Variants in LRP2 observed in about 807,000 individuals in gnomAD.
LRP2 encodes the protein low-density lipoprotein receptor-related protein 2.
Under a neutral mutation model 531.0 loss-of-function variants are expected in LRP2, and 172 were observed. The observed-to-expected ratio is 0.32, with a 90% CI of 0.29 to 0.37. The LOEUF (loss-of-function observed/expected upper bound fraction) is 0.37, where lower values mean the gene tolerates loss of function less well. Ranked by LOEUF, LRP2 falls within the 10% of genes least tolerant of loss-of-function variation. The pLI, the probability that LRP2 is intolerant of heterozygous loss-of-function variation, is 1.00. For missense variants in LRP2, 5,167 were observed against 5,868.3 expected, an observed-to-expected ratio of 0.88 and a Z score of 3.90; for synonymous variants, 1,992 against 2,027.6, an observed-to-expected ratio of 0.98 and a Z score of 0.47.
chr2:169,136,997 A>G (rs1685538981), intron 76 of LRP2, among the ~76,000 whole-genome samples: 1 of 152,206 alleles, frequency 6.6e-6, no homozygotes, highest in African/African-American at 2.4e-5. Flanking sequence ...CCCCGTCCCC[A>G]AATTCCTGTA....
intron 30 of LRP2, among the ~76,000 whole-genome samples, chr2:169,233,081 G>A (rs139250314): frequency 5.9e-5 from 9 of 152,226 alleles, no homozygotes; most frequent in Non-Finnish European, 1.3e-4. Context: ...GAGTGGTAGC[G>A]GTAAGAGGAT....
intron 70 of LRP2, among the ~76,000 whole-genome samples, chr2:169,143,486 C>CA (rs201715179): frequency 0.036 from 5,359 of 148,952 alleles, 199 homozygotes; most frequent in African/African-American, 0.09. Context: ...ACTAAAAATA[C>CA]AAAAAAAAAA....
Position 169,273,025 on chromosome 2 carries a change from A to T in LRP2, c.2018T>A (p.Val673Asp). 6.2e-7 allele frequency: 1 copy of T among 1,613,724 alleles called. No homozygotes were observed. Among genetic ancestry groups the T allele is most frequent in the Non-Finnish European group, 8.5e-7 (1 of 1,179,770 alleles). ...ATCTGTTCTGTGGCTGAGGACACAG[A>T]CCTGCTCACAGCCCCCATTGTTATC... The part of the protein sequence containing the change: ...CKDNNGGCEQ[V>D]CVLSHRTDND... The change falls in exon 15 of 79, where the codon GTC becomes GAC. Residue 673 changes from valine to aspartate, a missense_variant. Val to Asp is a radical substitution (Grantham distance 152). Coordinates refer to ENST00000649046, the MANE Select transcript of LRP2 (RefSeq NM_004525.3).
intron 1 of LRP2, among the ~76,000 whole-genome samples, chr2:169,354,549 C>T (rs1231639067): frequency 6.6e-6 from 1 of 152,206 alleles, no homozygotes; most frequent in Non-Finnish European, 1.5e-5. Context: ...ATTGTCTAAT[C>T]TGTCATTATC....
chr2:169,290,264 C>CTTTTTT (rs11463198), intron 8 of LRP2, among the ~76,000 whole-genome samples: 3 of 56,948 alleles, frequency 5.3e-5, no homozygotes, highest in Non-Finnish European at 8.8e-5. Context: ...GAACCAGAAG[C>CTTTTTT]TTTTTTTTTT....
At chr2:169,186,049 C>T in intron 49 of LRP2, 30 bp from the exon 50 acceptor site, 11 of 1,603,994 alleles carry the variant, frequency 6.9e-6, no homozygotes, top group Non-Finnish European at 8.5e-6. Context: ...CTTAGAGATC[C>T]TAAAATATCA....
At chr2:169,199,353 G>T (rs952851242) in intron 44 of LRP2, among the ~76,000 whole-genome samples, 4 of 152,158 alleles carry the variant, frequency 2.6e-5, no homozygotes, top group Non-Finnish European at 5.9e-5. Context: ...GCTAACTTTT[G>T]TGTAAGAAAA....
chr2:169,257,336 A>G, intron 17 of LRP2, 87 bp from the exon 18 acceptor site: 1 of 1,355,016 alleles, frequency 7.4e-7, no homozygotes, highest in Non-Finnish European at 1.1e-6. Flanking sequence ...GAGATTCTCC[A>G]GATACTGCAA....
At chr2:169,350,777 A>G (rs1433740692) in intron 1 of LRP2, among the ~76,000 whole-genome samples, 2 of 146,066 alleles carry the variant, frequency 1.4e-5, no homozygotes, top group Admixed American at 7.0e-5. Flanking sequence ...GACTATCCCC[A>G]GAGGACAAGT....
intron 76 of LRP2, among the ~76,000 whole-genome samples, chr2:169,133,953 A>T (rs1429770801): frequency 1.3e-5 from 2 of 152,144 alleles, no homozygotes; most frequent in Admixed American, 6.5e-5. Context: ...CCCAAATTTC[A>T]TCCTCATCTG....
At chr2:169,264,489 A>C (rs1391713667) in intron 16 of LRP2, among the ~76,000 whole-genome samples, 1 of 152,072 alleles carries the variant, frequency 6.6e-6, no homozygotes, top group Non-Finnish European at 1.5e-5. Flanking sequence ...TCCTCAAAAA[A>C]GATAATTTCT....
intron 52 of LRP2, 80 bp downstream of exon 52, chr2:169,181,368 G>A (rs1687423817): frequency 3.6e-6 from 5 of 1,385,048 alleles, no homozygotes; most frequent in Non-Finnish European, 5.1e-6. Context: ...CAATAGAGGG[G>A]ACTAATAGAC....
At chr2:169,173,356 G>T in intron 56 of LRP2, 132 bp from the exon 57 acceptor site, 1 of 1,065,148 alleles carries the variant, frequency 9.4e-7, no homozygotes. Context: ...GGCGATATGT[G>T]TCTGTTTTAG....
At position 169,168,916 on chromosome 2, in the gene LRP2, T is replaced by C. The variant is rs559522872; in HGVS notation, c.11498-240A>G. ...ATGGCATGGACAGCACTGGACTTAATCTCTACAGGCAAATGTCAAGACTGG... is the reference window on the plus strand; with the variant it reads ...ATGGCATGGACAGCACTGGACTTAACCTCTACAGGCAAATGTCAAGACTGG... On this transcript the variant is annotated intron_variant, in intron 60 of 78. Coordinates refer to ENST00000649046, the MANE Select transcript of LRP2 (RefSeq NM_004525.3). Among the ~76,000 whole-genome samples, 85 of 152,328 alleles carry C rather than the reference T, an allele frequency of 5.6e-4. 3 individuals carry two copies. The South Asian group carries it at 0.017, about 31-fold the overall frequency.
At position 169,318,626 on chromosome 2, in the gene LRP2, T is replaced by C. The variant is rs79326040; in HGVS notation, c.310+136A>G. On this transcript the variant is annotated intron_variant, in intron 3 of 78. Transcript: ENST00000649046. ...TCATCCAACCCCTGAATGAGATTGC[T>C]GGCATAGGTTCCCTTATGATTTAAG... is the stretch of plus-strand genomic sequence containing the variant. 2,026 of 1,195,204 alleles carry C rather than the reference T, an allele frequency of 1.7e-3. 15 individuals are homozygous for C. The African/African-American group carries it at 0.021, about 12-fold the overall frequency. The allele number at this position is 1,195,204 out of a possible 1,614,324, so 74.0% of individuals were successfully genotyped here.
At position 169,318,068 on chromosome 2, in the gene LRP2, C is replaced by T. The variant is rs554957751; in HGVS notation, c.310+694G>A. On this transcript the variant is annotated intron_variant, in intron 3 of 78. Coordinates refer to ENST00000649046, the MANE Select transcript of LRP2 (RefSeq NM_004525.3). Reference sequence around the variant, plus strand: ...CTCCAGCCTGGGTGAGAGAGTGAGACCCTGACTCTAAAAATAATAATAAAA... The same window carrying T: ...CTCCAGCCTGGGTGAGAGAGTGAGATCCTGACTCTAAAAATAATAATAAAA... 2.1e-3 allele frequency among the ~76,000 whole-genome samples: 324 copies of T among 151,856 alleles called. 1 individual carries two copies. Among genetic ancestry groups the T allele is most frequent in the Non-Finnish European group, 3.3e-3 (223 of 67,912 alleles).
intron 33 of LRP2, among the ~76,000 whole-genome samples, chr2:169,222,263 G>A (rs991070142): frequency 1.3e-5 from 2 of 152,062 alleles, no homozygotes; most frequent in African/African-American, 4.8e-5. Context: ...TCATTTGAGG[G>A]AAACAGCGCT....
Position 169,152,783 on chromosome 2 carries a change from T to A in LRP2, c.12461+16A>T, listed in dbSNP as rs199774897. 1.8e-5 allele frequency: 29 copies of A among 1,613,778 alleles called. No homozygotes were observed. In the East Asian group the frequency reaches 5.8e-4, roughly 32 times the overall value. Reference sequence around the variant, plus strand: ...GAAAACAGAACAGGTAAGGGGGGAATGTATGGCAAATTTACCTTCCAACCC... The same window carrying A: ...GAAAACAGAACAGGTAAGGGGGGAAAGTATGGCAAATTTACCTTCCAACCC... On this transcript the variant is annotated intron_variant, in intron 67 of 78. Transcript: ENST00000649046.
At chr2:169,149,845 TA>T (rs76608653) in intron 68 of LRP2, among the ~76,000 whole-genome samples, 118 of 137,922 alleles carry the variant, frequency 8.6e-4, no homozygotes, top group East Asian at 1.0e-3. Context: ...CCAAAAAAAT[TA>T]AAAAAAAAAA....
Sources: gnomAD v4.1 joint callset for allele counts (sites outside exome capture counted in the v4.1 genomes callset) on GRCh38, gnomAD v4.1.1 for gene constraint, MANE v1.5 for transcripts, NCBI Gene and HGNC (gene_info 2026-07-23, HGNC 2026-07-21) for gene names.